The following NHLRC2 variants were observed in gnomAD, a reference collection of about 807,000 sequenced individuals.
The protein encoded by NHLRC2 is NHL repeat containing 2.
A neutral mutation model predicts 68.1 loss-of-function variants in NHLRC2; 33 were observed. The ratio of observed to expected loss-of-function variants is 0.48; its 90% CI spans 0.37 to 0.65. The LOEUF is 0.65. Ranked by LOEUF, NHLRC2 falls within the 30% of genes least tolerant of loss-of-function variation. The pLI, the probability that NHLRC2 is intolerant of heterozygous loss-of-function variation, is 0.00. For synonymous variants in NHLRC2, 311 were observed against 309.6 expected (o/e 1.00, Z -0.05); for missense variants, 761 against 853.8 (o/e 0.89, Z 1.35).
At chr10:113,861,180 A>C (rs1032830382) in intron 2 of NHLRC2, among the ~76,000 whole-genome samples, 1 of 152,218 alleles carries the variant, frequency 6.6e-6, no homozygotes, top group African/African-American at 2.4e-5. Context: ...AGATTGAGGA[A>C]GAGAAAACAG....
At chr10:113,892,544 A>G (rs1248137799) in intron 5 of NHLRC2, among the ~76,000 whole-genome samples, 1 of 152,188 alleles carries the variant, frequency 6.6e-6, no homozygotes, top group African/African-American at 2.4e-5. Flanking sequence ...ACCCATACTC[A>G]GTGATGGAAC....
intron 4 of NHLRC2, among the ~76,000 whole-genome samples, chr10:113,883,039 C>A (rs1453371815): frequency 6.6e-6 from 1 of 151,698 alleles, no homozygotes; most frequent in African/African-American, 2.4e-5. Flanking sequence ...TGTCTTTATG[C>A]CAGTACCTTA....
intron 2 of NHLRC2, among the ~76,000 whole-genome samples, chr10:113,871,273 C>T (rs979478303): frequency 1.8e-4 from 28 of 152,144 alleles, no homozygotes; most frequent in African/African-American, 6.5e-4. Flanking sequence ...ATCAGCCAGC[C>T]TCGGCCTCCC....
At position 113,876,739 on chromosome 10, in the gene NHLRC2, A is replaced by C. The variant is rs1845984983; in HGVS notation, c.550A>C (p.Lys184Gln). Residue 184 changes from lysine (K) to glutamine (Q), a missense_variant, in exon 3 of 11, where the codon AAA (lysine) becomes CAA (glutamine). Lys to Gln is a moderately conservative substitution (Grantham distance 53). Coordinates refer to ENST00000369301, the MANE Select transcript of NHLRC2 (RefSeq NM_198514.4). ...MLFSLIGEGHKDKLFLYTSIA... is the reference protein window; with the variant it reads ...MLFSLIGEGHQDKLFLYTSIA... ...GTTTTCTTTGATTGGAGAGGGACAC[A>C]AAGATAAATTATTTTTATATACTTC... is the stretch of plus-strand genomic sequence containing the variant. The C allele has an allele frequency of 6.2e-7, 1 of 1,613,174 alleles. No individual in the cohort carries two copies. The highest frequency in any genetic ancestry group is 8.5e-7 in the Non-Finnish European group (1 of 1,179,202).
At chr10:113,860,943 A>G (rs1845810721) in intron 2 of NHLRC2, among the ~76,000 whole-genome samples, 1 of 152,208 alleles carries the variant, frequency 6.6e-6, no homozygotes, top group South Asian at 2.1e-4. Flanking sequence ...TTGATGGTGG[A>G]AAGGTGATAC....
At position 113,876,599 on chromosome 10, in the gene NHLRC2, T is replaced by C. The variant is rs1845982871; in HGVS notation, c.410T>C (p.Leu137Pro). 6.2e-7 allele frequency: 1 copy of C among 1,613,622 alleles called. No homozygotes were observed. The highest frequency in any genetic ancestry group is 1.1e-5 in the South Asian group (1 of 91,072). Reference protein sequence around the residue: ...KVLDNIKSAVLRYNITHPMVN... With the variant: ...KVLDNIKSAVPRYNITHPMVN... Reference sequence around the variant, plus strand: ...CTGGATAACATTAAGAGTGCTGTTCTTCGATACAACATCACCCACCCTATG... The same window carrying C: ...CTGGATAACATTAAGAGTGCTGTTCCTCGATACAACATCACCCACCCTATG... Residue 137 changes from leucine (L) to proline (P), a missense_variant, in exon 3 of 11, where the codon CTT becomes CCT. Transcript: ENST00000369301.
rs1846364804 is a variant in NHLRC2, at chr10:113,914,703, A to G, written c.*6167A>G. The G allele has an allele frequency of 8.2e-6, 2 of 243,662 alleles. No homozygotes were observed. Among genetic ancestry groups the G allele is most frequent in the African/African-American group, 4.6e-5 (2 of 43,534 alleles). 15.1% of individuals were successfully genotyped at this position (243,662 alleles called of 1,614,324 possible). ...GTGTCATATTTTAAAAGTAGAATCC[A>G]CTGTTAAGCACCAAGATTACCTTTT... On this transcript the variant is annotated 3_prime_UTR_variant, in exon 11 of 11. Transcript: ENST00000369301.
At chr10:113,881,574 C>G (rs1049747736) in intron 4 of NHLRC2, among the ~76,000 whole-genome samples, 2 of 151,630 alleles carry the variant, frequency 1.3e-5, no homozygotes, top group African/African-American at 4.8e-5. Flanking sequence ...TCCTACTTCC[C>G]CATACCCCCA....
intron 2 of NHLRC2, among the ~76,000 whole-genome samples, chr10:113,873,321 A>G (rs1411313697): frequency 6.6e-6 from 1 of 152,118 alleles, no homozygotes; most frequent in Non-Finnish European, 1.5e-5. Flanking sequence ...GGAAACTGCT[A>G]ATGGATGGAT....
At chr10:113,874,152 C>T (rs946292687) in intron 2 of NHLRC2, among the ~76,000 whole-genome samples, 2 of 152,050 alleles carry the variant, frequency 1.3e-5, no homozygotes, top group African/African-American at 4.8e-5. Flanking sequence ...AATCTTTGTA[C>T]TTACAACTTT....
rs991450119 is a variant in NHLRC2 at position 113,901,546 on chromosome 10, A to G, written c.1140-120A>G. ...ACAATTTAACTAGACCAAGATCACT[A>G]GTTTGTTTTTTTAGGAGGCTTATCA... On this transcript the variant is annotated intron_variant, in intron 6 of 10. Coordinates refer to ENST00000369301, the MANE Select transcript of NHLRC2 (RefSeq NM_198514.4). The G allele has an allele frequency of 6.0e-6, 4 of 672,112 alleles. No individual in the cohort carries two copies. In the African/African-American group the frequency reaches 7.2e-5, roughly 12 times the overall value. 41.6% of individuals were successfully genotyped at this position (672,112 alleles called of 1,614,324 possible). A position where few individuals can be genotyped will look rare whatever the true frequency, so the allele number is the denominator to read the frequency against.
In NHLRC2 at chr10:113,883,022, C is replaced by G. The variant is rs138613976; in HGVS notation, c.910-1229C>G. On this transcript the variant is annotated intron_variant, in intron 4 of 10. Coordinates refer to ENST00000369301, the MANE Select transcript of NHLRC2 (RefSeq NM_198514.4). ...CATAGATGTATGGACCCATTGATCT[C>G]TCTGTCTGTCTTTATGCCAGTACCT... is the stretch of plus-strand genomic sequence containing the variant. 3.7e-3 allele frequency among the ~76,000 whole-genome samples: 558 copies of G among 151,894 alleles called. 3 individuals are homozygous for G. Among genetic ancestry groups the G allele is most frequent in the African/African-American group, 0.013 (529 of 41,540 alleles).
At chr10:113,891,304 G>C (rs1325805193) in intron 5 of NHLRC2, among the ~76,000 whole-genome samples, 1 of 152,130 alleles carries the variant, frequency 6.6e-6, no homozygotes, top group Non-Finnish European at 1.5e-5. Context: ...TTCAAAGTCT[G>C]TATTAGATAG....
chr10:113,908,623 T>C lies in NHLRC2; in HGVS notation c.*87T>C. The C allele has an allele frequency of 1.5e-6, 2 of 1,325,964 alleles. No individual in the cohort carries two copies. Among genetic ancestry groups the C allele is most frequent in the East Asian group, 4.9e-5 (2 of 41,236 alleles). 82.1% of individuals were successfully genotyped at this position (1,325,964 alleles called of 1,614,324 possible). ...TAATTTAAGGAAAGAAAACTTCAGT[T>C]CTGCCTCTGGATACCAAGATGCCCA... On this transcript the variant is annotated 3_prime_UTR_variant, in exon 11 of 11. Transcript: ENST00000369301.
chr10:113,914,963 A>G lies in NHLRC2; in HGVS notation c.*6427A>G, dbSNP rs1328908650. On this transcript the variant is annotated 3_prime_UTR_variant, in exon 11 of 11. Transcript: ENST00000369301. ...GTTCGCCTGGCTGCCTCAGGCTTGCAGAAGGCTGCCCCAATCACAGAGCCT... is the reference window on the plus strand; with the variant it reads ...GTTCGCCTGGCTGCCTCAGGCTTGCGGAAGGCTGCCCCAATCACAGAGCCT... 9 of 456,134 alleles carry G rather than the reference A, an allele frequency of 2.0e-5. No individual in the cohort carries two copies. The highest frequency in any genetic ancestry group is 1.6e-4 in the African/African-American group (8 of 50,086). 28.3% of individuals were successfully genotyped at this position (456,134 alleles called of 1,614,324 possible).
intron 5 of NHLRC2, among the ~76,000 whole-genome samples, chr10:113,887,813 C>G (rs555838849): frequency 6.6e-6 from 1 of 152,094 alleles, no homozygotes; most frequent in Non-Finnish European, 1.5e-5. Flanking sequence ...CACTGGAATA[C>G]TATACAGCTT....
chr10:113,872,977 T>C (rs773752678), intron 2 of NHLRC2, among the ~76,000 whole-genome samples: 2 of 152,138 alleles, frequency 1.3e-5, no homozygotes, highest in African/African-American at 4.8e-5. Flanking sequence ...CCGGGGGTGA[T>C]TGACCCAGAA....
At chr10:113,873,900 T>A (rs1845953431) in intron 2 of NHLRC2, among the ~76,000 whole-genome samples, 1 of 152,230 alleles carries the variant, frequency 6.6e-6, no homozygotes, top group Non-Finnish European at 1.5e-5. Context: ...TCTACCCCTT[T>A]ACTTTTAGTC....
chr10:113,857,142 T>G (rs1845767637), intron 1 of NHLRC2, among the ~76,000 whole-genome samples: 1 of 152,190 alleles, frequency 6.6e-6, no homozygotes, highest in South Asian at 2.1e-4. Flanking sequence ...TTCATTGTAA[T>G]TATTGTTATT....
Sources: gnomAD v4.1 joint callset for allele counts (sites outside exome capture counted in the v4.1 genomes callset) on GRCh38, gnomAD v4.1.1 for gene constraint, MANE v1.5 for transcripts, NCBI Gene and HGNC (gene_info 2026-07-23, HGNC 2026-07-21) for gene names.